PLEKHA7: variants seen among roughly 807,000 people sequenced by gnomAD.
PLEKHA7 encodes pleckstrin homology domain-containing family A member 7.
In PLEKHA7, 104 loss-of-function variants were observed where a neutral mutation model predicts 170.0. The ratio of observed to expected loss-of-function variants is 0.61; its 90% CI spans 0.52 to 0.72. PLEKHA7 has a LOEUF of 0.72. Among genes scored for constraint, PLEKHA7 ranks in the 30% least tolerant of loss-of-function variants. The pLI is 0.00. For missense variants in PLEKHA7, 1,615 were observed against 1,671.7 expected, an observed-to-expected ratio of 0.97 and a Z score of 0.59; for synonymous variants, 648 against 660.8, an observed-to-expected ratio of 0.98 and a Z score of 0.30.
At position 16,783,839 on chromosome 11, in the gene PLEKHA7, G is replaced by T; in HGVS notation, c.3517-6C>A. 1 of 1,459,930 alleles carries T rather than the reference G, an allele frequency of 6.8e-7. No homozygotes were observed. The highest frequency in any genetic ancestry group is 9.0e-7 in the Non-Finnish European group (1 of 1,109,660). The allele number at this position is 1,459,930 out of a possible 1,614,324, so 90.4% of individuals were successfully genotyped here. A position where few individuals can be genotyped will look rare whatever the true frequency, so the allele number is the denominator to read the frequency against. On this transcript the variant is annotated splice_region_variant and splice_polypyrimidine_tract_variant and intron_variant, in intron 24 of 26. Coordinates refer to ENST00000531066, the MANE Select transcript of PLEKHA7 (RefSeq NM_001329630.2). ...ACCTTCTCTGGTTTGGACAGCTGGG[G>T]AGAGGCCAGGAGGTGGCAGAGGGAG... is the stretch of plus-strand genomic sequence containing the variant.
intron 15 of PLEKHA7, 67 bp from the exon 16 acceptor site, chr11:16,801,884 A>G: frequency 6.3e-7 from 1 of 1,589,660 alleles, no homozygotes; most frequent in Non-Finnish European, 8.6e-7. Flanking sequence ...CCCATACCAC[A>G]CCAGGAACCA....
chr11:16,851,597 C>A (rs182100575), intron 7 of PLEKHA7, among the ~76,000 whole-genome samples: 2 of 152,068 alleles, frequency 1.3e-5, no homozygotes, highest in South Asian at 4.2e-4. Context: ...TACAGGCATG[C>A]GCCACCATGC....
At chr11:16,873,060 T>C (rs1854993793) in intron 3 of PLEKHA7, among the ~76,000 whole-genome samples, 1 of 152,156 alleles carries the variant, frequency 6.6e-6, no homozygotes, top group African/African-American at 2.4e-5. Flanking sequence ...GTCTCAAAGG[T>C]AAAATTACTG....
intron 3 of PLEKHA7, among the ~76,000 whole-genome samples, chr11:16,923,008 A>G (rs367762673): frequency 9.2e-5 from 14 of 152,152 alleles, no homozygotes; most frequent in East Asian, 7.7e-4. Flanking sequence ...CACAATCCAT[A>G]GTGACCATGA....
In PLEKHA7 at chr11:17,005,639, T is replaced by A. The variant is rs533404703; in HGVS notation, c.221+8350A>T. On this transcript the variant is annotated intron_variant, in intron 3 of 26. Coordinates refer to ENST00000531066, the MANE Select transcript of PLEKHA7 (RefSeq NM_001329630.2). ...GAAAACACCTCTTCCCAACCCAGCA[T>A]CTGTCCTATCTCTAAAACACACTCC... Among the ~76,000 whole-genome samples, 3 of 152,260 alleles carry A rather than the reference T, an allele frequency of 2.0e-5. No individual in the cohort carries two copies. In the South Asian group the frequency reaches 6.2e-4, roughly 32 times the overall value.
At chr11:16,925,301 C>G (rs1434215915) in intron 3 of PLEKHA7, among the ~76,000 whole-genome samples, 1 of 152,220 alleles carries the variant, frequency 6.6e-6, no homozygotes, top group East Asian at 1.9e-4. Context: ...CCCTTGGCGT[C>G]CTTCCCGAGG....
At chr11:16,821,721 G>GA (rs201146982) in intron 10 of PLEKHA7, among the ~76,000 whole-genome samples, 2,721 of 149,664 alleles carry the variant, frequency 0.018, 43 homozygotes, top group Middle Eastern at 0.058. Context: ...ATATCTTTAA[G>GA]AAAAAAAAAA....
At chr11:16,981,068 T>C (rs906964534) in intron 3 of PLEKHA7, among the ~76,000 whole-genome samples, 16 of 152,168 alleles carry the variant, frequency 1.1e-4, no homozygotes, top group Admixed American at 1.0e-3. Context: ...TCACTGAGGC[T>C]GTCTAGGACA....
In PLEKHA7 at chr11:16,791,592, A is replaced by T; in HGVS notation, c.2746-393T>A. The T allele has an allele frequency of 4.3e-6, 2 of 470,512 alleles. No homozygotes were observed. Among genetic ancestry groups the T allele is most frequent in the Non-Finnish European group, 8.4e-6 (2 of 236,740 alleles). The allele number at this position is 470,512 out of a possible 1,614,324, so 29.1% of individuals were successfully genotyped here. A position where few individuals can be genotyped will look rare whatever the true frequency, so the allele number is the denominator to read the frequency against. ...GCTTATCACAGCACCACCTACCTGG[A>T]GAGTAACATCTACCCACTCAGCAGT... is the stretch of plus-strand genomic sequence containing the variant. On this transcript the variant is annotated intron_variant, in intron 19 of 26. Coordinates refer to ENST00000531066, the MANE Select transcript of PLEKHA7 (RefSeq NM_001329630.2). The surrounding 1 kb of genome is among the most constrained non-coding windows in gnomAD (Gnocchi z 4.5).
chr11:16,879,312 A>G (rs1855538336), intron 3 of PLEKHA7, among the ~76,000 whole-genome samples: 1 of 152,194 alleles, frequency 6.6e-6, no homozygotes, highest in Non-Finnish European at 1.5e-5. Context: ...ATATTCATGG[A>G]GTAGGCACTT....
chr11:16,965,814 A>C (rs971053177), intron 3 of PLEKHA7, among the ~76,000 whole-genome samples: 1 of 152,216 alleles, frequency 6.6e-6, no homozygotes, highest in African/African-American at 2.4e-5. Context: ...AGTGGCTGTA[A>C]GGAGTAAATG....
At position 17,004,468 on chromosome 11, in the gene PLEKHA7, C is replaced by G. The variant is rs1046055214; in HGVS notation, c.221+9521G>C. Among the ~76,000 whole-genome samples the G allele has an allele frequency of 2.0e-5, 3 of 151,390 alleles. No homozygotes were observed. The East Asian group carries it at 5.8e-4, about 29-fold the overall frequency. ...AGTGCAATGGCGCAATCTCAGTTCA[C>G]TGTAACCTCTGCCTCCTGGGTTCAA... On this transcript the variant is annotated intron_variant, in intron 3 of 26. Transcript: ENST00000531066.
intron 26 of PLEKHA7, among the ~76,000 whole-genome samples, chr11:16,779,257 C>A (rs1848845030): frequency 1.3e-5 from 2 of 152,126 alleles, no homozygotes; most frequent in African/African-American, 4.8e-5. Flanking sequence ...GGGTCCCCAT[C>A]CCGACAGGGC....
intron 3 of PLEKHA7, among the ~76,000 whole-genome samples, chr11:16,919,031 T>C (rs1194572290): frequency 6.6e-6 from 1 of 152,142 alleles, no homozygotes; most frequent in Non-Finnish European, 1.5e-5. Context: ...GCCAAGATGA[T>C]GAAACCCCAT....
intron 21 of PLEKHA7, 79 bp downstream of exon 21, chr11:16,790,719 A>G (rs942635166): frequency 5.6e-5 from 79 of 1,407,468 alleles, no homozygotes; most frequent in African/African-American, 5.7e-5. Context: ...TGCAGGCAGA[A>G]GGGTACGAGG....
At chr11:16,894,709 T>C (rs1856891142) in intron 3 of PLEKHA7, among the ~76,000 whole-genome samples, 1 of 152,094 alleles carries the variant, frequency 6.6e-6, no homozygotes, top group African/African-American at 2.4e-5. Context: ...GAAAACCTAC[T>C]GACTCCCCAT....
intron 3 of PLEKHA7, among the ~76,000 whole-genome samples, chr11:16,937,558 T>C (rs1374557832): frequency 1.3e-5 from 2 of 151,958 alleles, no homozygotes; most frequent in African/African-American, 4.8e-5. Context: ...GAAATTTAAC[T>C]TAAAGAAACA....
rs545345604 is a variant in PLEKHA7, at chr11:16,778,365, T to G, written c.*633A>C. 1 of 152,596 alleles carries G rather than the reference T, an allele frequency of 6.6e-6. No individual in the cohort carries two copies. Among genetic ancestry groups the G allele is most frequent in the East Asian group, 1.9e-4 (1 of 5,178 alleles). 9.5% of individuals were successfully genotyped at this position (152,596 alleles called of 1,614,324 possible). The stretch of plus-strand genomic sequence containing the variant: ...GGCAGGTTGTGGGCCCCAGTCCTCT[T>G]GAACACACTGTTGCCCCTAAGCCAA... On this transcript the variant is annotated 3_prime_UTR_variant, in exon 27 of 27. Coordinates refer to ENST00000531066, the MANE Select transcript of PLEKHA7 (RefSeq NM_001329630.2).
chr11:16,947,521 G>A (rs539677157), intron 3 of PLEKHA7, among the ~76,000 whole-genome samples: 1 of 151,802 alleles, frequency 6.6e-6, no homozygotes, highest in African/African-American at 2.4e-5. Flanking sequence ...AACCAGGGAG[G>A]TGGAGGTTGC....
Sources: gnomAD v4.1 joint callset for allele counts (sites outside exome capture counted in the v4.1 genomes callset) on GRCh38, gnomAD v4.1.1 for gene constraint, Gnocchi (gnomAD v3.1) non-coding constraint, MANE v1.5 for transcripts, NCBI Gene and HGNC (gene_info 2026-07-23, HGNC 2026-07-21) for gene names.